The following MCM5 variants were observed in gnomAD, a reference collection of about 807,000 sequenced individuals.
MCM5 encodes the protein minichromosome maintenance complex component 5.
MCM5 carries 46 observed loss-of-function variants against 79.9 expected under a neutral mutation model. The observed-to-expected ratio is 0.58, with a 90% CI of 0.45 to 0.74. The LOEUF is 0.74. Among genes scored for constraint, MCM5 ranks in the 30% least tolerant of loss-of-function variants. The pLI, the probability that MCM5 is intolerant of heterozygous loss-of-function variation, is 0.00. For synonymous variants in MCM5, 404 were observed against 390.5 expected, an observed-to-expected ratio of 1.03 and a Z score of -0.41; for missense variants, 883 against 1,017.0, an observed-to-expected ratio of 0.87 and a Z score of 1.79.
chr22:35,454,407 C>T, the MCM5 span, among the ~76,000 whole-genome samples: 1 of 152,196 alleles, frequency 6.6e-6, no homozygotes, highest in Non-Finnish European at 1.5e-5. Context: ...CCTCCCCTCT[C>T]TCTTCTTTGG....
At chr22:35,445,927 T>G in the MCM5 span, among the ~76,000 whole-genome samples, 1 of 152,236 alleles carries the variant, frequency 6.6e-6, no homozygotes, top group South Asian at 2.1e-4. Context: ...ATGGTACTTC[T>G]CAGTCGGGTC....
intron 14 of MCM5, 33 bp from the exon 15 acceptor site, chr22:35,421,285 G>C (rs1176378818): frequency 2.5e-6 from 4 of 1,600,080 alleles, no homozygotes; most frequent in East Asian, 2.2e-5. Context: ...ATAGCGGACC[G>C]AGGCTACCCT....
chr22:35,410,380 C>T (rs1429216366), intron 6 of MCM5: 2 of 304,302 alleles, frequency 6.6e-6, no homozygotes, highest in Middle Eastern at 2.4e-3. Flanking sequence ...GGGCACCACA[C>T]AGTGAGCTGA....
intron 13 of MCM5, among the ~76,000 whole-genome samples, chr22:35,418,686 T>TGTAC (rs1555904723): frequency 1.1e-4 from 16 of 149,204 alleles, no homozygotes; most frequent in African/African-American, 3.7e-4. Context: ...TATATATGTG[T>TGTAC]ACACACACAC....
chr22:35,404,830 C>G (rs146830620), intron 4 of MCM5, among the ~76,000 whole-genome samples: 119 of 152,264 alleles, frequency 7.8e-4, no homozygotes, highest in African/African-American at 2.6e-3. Context: ...AGAGATTGTC[C>G]CAGTCCTGTA....
At chr22:35,425,657 G>T (rs915898202), downstream of MCM5, among the ~76,000 whole-genome samples, 1 of 151,986 alleles carries the variant, frequency 6.6e-6, no homozygotes, top group Admixed American at 6.6e-5. Context: ...TACTGGGCGC[G>T]CTGTGGGTTT....
the MCM5 span, among the ~76,000 whole-genome samples, chr22:35,449,575 CCTCTCT>C: frequency 7.0e-4 from 37 of 52,780 alleles, no homozygotes; most frequent in Admixed American, 2.0e-3. Context: ...CCAGCTGTGG[CCTCTCT>C]GTCCCAGCCG....
the MCM5 span, among the ~76,000 whole-genome samples, chr22:35,453,819 T>TATATATATATATAGAGAG: frequency 2.5e-4 from 20 of 81,548 alleles, no homozygotes; most frequent in African/African-American, 9.0e-4. Context: ...TATATATATA[T>TATATATATATATAGAGAG]AGAGAGAGAG....
At chr22:35,404,843 C>G (rs1325211785) in intron 4 of MCM5, among the ~76,000 whole-genome samples, 2 of 152,144 alleles carry the variant, frequency 1.3e-5, no homozygotes, top group African/African-American at 2.4e-5. Flanking sequence ...GTCCTGTACA[C>G]TAGTGGCTCA....
At chr22:35,423,914 C>T (rs1932752516) in intron 16 of MCM5, 7 of 490,142 alleles carry the variant, frequency 1.4e-5, no homozygotes, top group Non-Finnish European at 2.2e-5. Context: ...TTTAGAGCTT[C>T]GGTTCTAGAG....
the MCM5 span, among the ~76,000 whole-genome samples, chr22:35,430,560 T>C: frequency 1.3e-5 from 2 of 149,120 alleles, no homozygotes; most frequent in African/African-American, 4.9e-5. Flanking sequence ...GAGTGTGCAG[T>C]GGTGCGACCT....
intron 9 of MCM5, 51 bp from the exon 10 acceptor site, chr22:35,415,778 G>T: frequency 6.3e-7 from 1 of 1,589,646 alleles, no homozygotes. Context: ...GTCTTATGGG[G>T]GTCAAAGCAT....
rs759480675 is a variant in MCM5, at chr22:35,410,849, C to T, written c.858C>T (p.Gly286=). The change falls in exon 7 of 17, where the codon GGC becomes GGT. Residue 286 remains glycine (G), a synonymous_variant. Coordinates refer to ENST00000216122, the MANE Select transcript of MCM5 (RefSeq NM_006739.4). Reference sequence around the variant, plus strand: ...CCAGCAGGGGCCGTGACAGGGTGGGCGTGGGCATCCGAAGCTCCTACATCC... The same window carrying T: ...CCAGCAGGGGCCGTGACAGGGTGGGTGTGGGCATCCGAAGCTCCTACATCC... ...LTTSRGRDRV[G]VGIRSSYIRV... 6.0e-5 allele frequency: 97 copies of T among 1,613,312 alleles called. No individual in the cohort carries two copies. Among genetic ancestry groups the T allele is most frequent in the Non-Finnish European group, 7.8e-5 (92 of 1,179,492 alleles).
the MCM5 span, among the ~76,000 whole-genome samples, chr22:35,438,927 CCATCCATCCATT>C: frequency 2.7e-5 from 4 of 150,090 alleles, no homozygotes; most frequent in African/African-American, 7.4e-5. Flanking sequence ...ATTCATCCAT[CCATCCATCCATT>C]CATCCATCCA....
the MCM5 span, among the ~76,000 whole-genome samples, chr22:35,437,001 TGAG>T: frequency 6.6e-6 from 1 of 152,224 alleles, no homozygotes; most frequent in African/African-American, 2.4e-5. Context: ...TCAGAGGACA[TGAG>T]GAGGCCATTG....
At chr22:35,401,931 G>C in intron 2 of MCM5, 1 of 346,116 alleles carries the variant, frequency 2.9e-6, no homozygotes, top group South Asian at 2.2e-5. Flanking sequence ...TGCTTGTGTA[G>C]AGGTGTGGGG....
chr22:35,419,843 C>A (rs373937232), intron 13 of MCM5, 41 bp from the exon 14 acceptor site: 110 of 1,555,626 alleles, frequency 7.1e-5, no homozygotes, highest in Non-Finnish European at 9.3e-5. Flanking sequence ...CCCTAAGAGT[C>A]CCTCCTGGCC....
chr22:35,429,246 A>G (rs546608678), downstream of MCM5, among the ~76,000 whole-genome samples: 1 of 151,786 alleles, frequency 6.6e-6, no homozygotes, highest in Admixed American at 6.6e-5. Context: ...TCGGCCTCCC[A>G]AAGTTCTGGG....
chr22:35,415,425 A>G (rs1459720817), intron 9 of MCM5, among the ~76,000 whole-genome samples: 2 of 152,286 alleles, frequency 1.3e-5, no homozygotes, highest in East Asian at 3.9e-4. Flanking sequence ...TGTGGCGTGT[A>G]GGTCTATATA....
Sources: allele counts gnomAD v4.1 joint callset (sites outside exome capture counted in the v4.1 genomes callset), GRCh38; gene constraint gnomAD v4.1.1; transcripts MANE v1.5; gene names NCBI Gene and HGNC (gene_info 2026-07-23, HGNC 2026-07-21).